The following TSHZ2 variants were observed in gnomAD, a reference collection of about 807,000 sequenced individuals.
The protein encoded by TSHZ2 is teashirt homolog 2.
Under a neutral mutation model 74.4 loss-of-function variants are expected in TSHZ2, and 21 were observed. The observed-to-expected ratio is 0.28, with a 90% confidence interval of 0.20 to 0.41. TSHZ2 has a LOEUF of 0.41. TSHZ2 is among the 10% of genes least tolerant of loss of function. The pLI, the probability that TSHZ2 is intolerant of heterozygous loss-of-function variation, is 1.00. For synonymous variants in TSHZ2, 540 were observed against 515.3 expected (o/e 1.05, Z -0.65); for missense variants, 1,244 against 1,293.5 (o/e 0.96, Z 0.59).
At chr20:53,396,178 C>T (rs530819997) in intron 2 of TSHZ2, among the ~76,000 whole-genome samples, 1 of 152,344 alleles carries the variant, frequency 6.6e-6, no homozygotes, top group East Asian at 1.9e-4. Context: ...ACCTCGTGAT[C>T]CACCCGCCTT....
intron 1 of TSHZ2, among the ~76,000 whole-genome samples, chr20:53,019,849 A>G (rs1026260210): frequency 1.3e-5 from 2 of 152,154 alleles, no homozygotes; most frequent in Admixed American, 6.5e-5. Flanking sequence ...AAGGTTGGTT[A>G]TCACTCTCTT....
chr20:53,097,316 A>C (rs528555581), intron 1 of TSHZ2, among the ~76,000 whole-genome samples: 1 of 152,342 alleles, frequency 6.6e-6, no homozygotes, highest in South Asian at 2.1e-4. Context: ...AATAAAAATA[A>C]GAAGGTACTT....
rs1033267186 is a variant in TSHZ2 at position 53,173,404 on chromosome 20, C to A, written c.41-80095C>A. ...CAGGCGGATCACTAGGTCAGGAGTT[C>A]AAGACCAGCCTGGTCAACATGGTGA... On this transcript the variant is annotated intron_variant, in intron 1 of 2. Transcript: ENST00000371497. Among the ~76,000 whole-genome samples, 16 of 152,182 alleles carry A rather than the reference C, an allele frequency of 1.1e-4. 1 individual carries two copies. The South Asian group carries it at 1.9e-3, about 18-fold the overall frequency.
At chr20:53,106,124 A>G (rs1473189051) in intron 1 of TSHZ2, among the ~76,000 whole-genome samples, 3 of 152,238 alleles carry the variant, frequency 2.0e-5, no homozygotes, top group East Asian at 1.9e-4. Flanking sequence ...GGCTATTCTG[A>G]AATATAAAAC....
At chr20:53,108,119 G>GAA (rs1256880360) in intron 1 of TSHZ2, among the ~76,000 whole-genome samples, 1 of 152,186 alleles carries the variant, frequency 6.6e-6, no homozygotes, top group African/African-American at 2.4e-5. Context: ...CTGGTGATGA[G>GAA]ACCTGAGAAT....
chr20:53,317,875 G>T (rs1979087581), intron 2 of TSHZ2, among the ~76,000 whole-genome samples: 1 of 152,160 alleles, frequency 6.6e-6, no homozygotes, highest in Non-Finnish European at 1.5e-5. Context: ...GCAGGGTGGA[G>T]TCCCTACTTT....
chr20:53,177,065 T>G (rs1339887427), intron 1 of TSHZ2, among the ~76,000 whole-genome samples: 1 of 152,104 alleles, frequency 6.6e-6, no homozygotes, highest in Admixed American at 6.5e-5. Context: ...ATTATCATTG[T>G]AGAAATGGGA....
intron 1 of TSHZ2, among the ~76,000 whole-genome samples, chr20:53,148,296 A>G (rs1453762037): frequency 6.6e-6 from 1 of 152,204 alleles, no homozygotes; most frequent in Non-Finnish European, 1.5e-5. Context: ...TGTCTGGGAC[A>G]CTTTTTATTG....
intron 2 of TSHZ2, among the ~76,000 whole-genome samples, chr20:53,463,436 A>AAGGAAGGAAGGAAGAG (rs1985457589): frequency 1.3e-5 from 1 of 77,792 alleles, no homozygotes; most frequent in Admixed American, 1.4e-4. Context: ...GGAAGGAAGG[A>AAGGAAGGAAGGAAGAG]GGGAGGGAGG....
intron 2 of TSHZ2, among the ~76,000 whole-genome samples, chr20:53,272,409 C>T (rs1388009713): frequency 6.6e-6 from 1 of 152,110 alleles, no homozygotes; most frequent in African/African-American, 2.4e-5. Flanking sequence ...TGACTGGCTT[C>T]CTGTTGTATT....
chr20:53,352,555 C>T (rs568339769), intron 2 of TSHZ2, among the ~76,000 whole-genome samples: 137 of 152,058 alleles, frequency 9.0e-4, no homozygotes, highest in African/African-American at 3.3e-3. Context: ...GAGCGGGTCA[C>T]GTGAGGTCAG....
intron 2 of TSHZ2, among the ~76,000 whole-genome samples, chr20:53,312,787 A>G (rs186426585): frequency 8.5e-5 from 13 of 152,312 alleles, no homozygotes; most frequent in African/African-American, 3.1e-4. Context: ...AAAATAGTAG[A>G]TTTTTTGTTG....
At chr20:53,008,720 T>G (rs1982735699) in intron 1 of TSHZ2, among the ~76,000 whole-genome samples, 1 of 152,162 alleles carries the variant, frequency 6.6e-6, no homozygotes, top group South Asian at 2.1e-4. Flanking sequence ...AAGGCCAACT[T>G]AGTCAAGTGT....
intron 1 of TSHZ2, among the ~76,000 whole-genome samples, chr20:53,158,389 G>A (rs1987847220): frequency 6.6e-6 from 1 of 152,176 alleles, no homozygotes. Context: ...ATGGACCGTG[G>A]TGGGGGTGAG....
At chr20:53,152,968 G>T (rs1403346983) in intron 1 of TSHZ2, among the ~76,000 whole-genome samples, 1 of 152,208 alleles carries the variant, frequency 6.6e-6, no homozygotes, top group Non-Finnish European at 1.5e-5. Context: ...GTTCAAAGCT[G>T]ACAGAGGAAT....
chr20:52,991,891 G>A (rs966789400), intron 1 of TSHZ2, among the ~76,000 whole-genome samples: 2 of 152,192 alleles, frequency 1.3e-5, no homozygotes, highest in African/African-American at 4.8e-5. Context: ...CAACTATGCT[G>A]CTAATGGAAT....
At chr20:53,089,315 ATTTTCTTT>A (rs1259850236) in intron 1 of TSHZ2, among the ~76,000 whole-genome samples, 1 of 109,272 alleles carries the variant, frequency 9.2e-6, no homozygotes, top group African/African-American at 4.0e-5. Context: ...CAGGAATGGG[ATTTTCTTT>A]TTTTTTTTTT....
intron 1 of TSHZ2, among the ~76,000 whole-genome samples, chr20:53,010,256 A>G (rs975521878): frequency 2.0e-5 from 3 of 152,170 alleles, no homozygotes; most frequent in African/African-American, 7.2e-5. Context: ...ACATCCCTCT[A>G]TTCCACCCAC....
chr20:53,270,949 T>G (rs967092244), intron 2 of TSHZ2, among the ~76,000 whole-genome samples: 1 of 152,092 alleles, frequency 6.6e-6, no homozygotes, highest in Non-Finnish European at 1.5e-5. Flanking sequence ...CCTCCACTTT[T>G]CCCCCTGCTG....
Sources: allele counts gnomAD v4.1 joint callset (sites outside exome capture counted in the v4.1 genomes callset), GRCh38; gene constraint gnomAD v4.1.1; transcripts MANE v1.5; gene names NCBI Gene and HGNC (gene_info 2026-07-23, HGNC 2026-07-21).